RNF220: variants seen among roughly 807,000 people sequenced by gnomAD.
RNF220 encodes ring finger protein 220.
In RNF220, 7 loss-of-function variants were observed where a neutral mutation model predicts 67.1. The ratio of observed to expected loss-of-function variants is 0.10; its 90% CI spans 0.06 to 0.20. RNF220 has a LOEUF of 0.20. Ranked by LOEUF, RNF220 falls within the 10% of genes least tolerant of loss-of-function variation. The pLI is 1.00. For missense variants in RNF220, 565 were observed against 740.3 expected, an observed-to-expected ratio of 0.76 and a Z score of 2.75; for synonymous variants, 270 against 283.2, an observed-to-expected ratio of 0.95 and a Z score of 0.47.
chr1:44,631,887 G>A (rs1644138340), intron 5 of RNF220: 6 of 985,630 alleles, frequency 6.1e-6, no homozygotes, highest in Non-Finnish European at 7.2e-6. Context: ...ACAAACGGCA[G>A]CTTCCTGGTC....
At chr1:44,464,484 C>T (rs1225834600) in intron 2 of RNF220, among the ~76,000 whole-genome samples, 1 of 152,176 alleles carries the variant, frequency 6.6e-6, no homozygotes, top group East Asian at 1.9e-4. Context: ...TAAAGGAAGT[C>T]GATGGCCAAG....
Position 44,412,521 on chromosome 1 carries a change from C to T in RNF220, c.424C>T (p.Leu142Phe). 1 of 1,614,090 alleles carries T rather than the reference C, an allele frequency of 6.2e-7. No individual in the cohort carries two copies. Among genetic ancestry groups the T allele is most frequent in the Non-Finnish European group, 8.5e-7 (1 of 1,179,966 alleles). The change falls in exon 2 of 15, where the codon CTT becomes TTT. Residue 142 changes from leucine (L) to phenylalanine (F), a missense_variant. Leu to Phe is a conservative substitution (Grantham distance 22, BLOSUM62 0). Coordinates refer to ENST00000361799, the MANE Select transcript of RNF220 (RefSeq NM_018150.4). The surrounding 1 kb of genome is among the most constrained non-coding windows in gnomAD (Gnocchi z 5.3). ...YQSAFTPAKRLKNCHDTESPH... is the reference protein window; with the variant it reads ...YQSAFTPAKRFKNCHDTESPH... Reference sequence around the variant, plus strand: ...GTCAGCCTTTACGCCGGCCAAGCGACTTAAGAACTGCCATGACACAGAGTC... The same window carrying T: ...GTCAGCCTTTACGCCGGCCAAGCGATTTAAGAACTGCCATGACACAGAGTC...
chr1:44,491,279 C>CA (rs766116124), intron 2 of RNF220, among the ~76,000 whole-genome samples: 2 of 151,578 alleles, frequency 1.3e-5, no homozygotes, highest in African/African-American at 4.9e-5. Context: ...AAACATATCA[C>CA]AAAAAAATAA....
At chr1:44,482,324 G>T (rs1037649060) in intron 2 of RNF220, among the ~76,000 whole-genome samples, 5 of 152,142 alleles carry the variant, frequency 3.3e-5, no homozygotes, top group African/African-American at 9.7e-5. Flanking sequence ...GGATCCCTGG[G>T]GCTCCCTTCT....
chr1:44,587,831 AG>A (rs1665820279), intron 2 of RNF220, among the ~76,000 whole-genome samples: 1 of 152,272 alleles, frequency 6.6e-6, no homozygotes. Context: ...CCTTAGACAC[AG>A]TGCTTGCTCC....
chr1:44,529,936 C>G (rs1159354623), intron 2 of RNF220, among the ~76,000 whole-genome samples: 4 of 151,912 alleles, frequency 2.6e-5, no homozygotes, highest in Admixed American at 2.0e-4. Context: ...CGCCTCTACT[C>G]CCAGCTATTT....
intron 2 of RNF220, among the ~76,000 whole-genome samples, chr1:44,471,764 C>T (rs760983758): frequency 9.2e-5 from 14 of 152,048 alleles, no homozygotes; most frequent in Non-Finnish European, 1.9e-4. Flanking sequence ...GCAGAGGCTG[C>T]GGTGAGCCGA....
At chr1:44,424,479 T>C (rs1250892094) in intron 2 of RNF220, among the ~76,000 whole-genome samples, 1 of 152,036 alleles carries the variant, frequency 6.6e-6, no homozygotes, top group African/African-American at 2.4e-5. Context: ...GAATCACTCA[T>C]CTAGGGTGAA....
chr1:44,626,338 T>C lies in RNF220; in HGVS notation c.846T>C (p.Ser282=). ...CTTCCATCAAGAGGGAAGGAGAGTC[T>C]CCAACGGCATCACCCCACTCATCTG... The part of the protein sequence containing the change: ...LSASIKREGE[S]PTASPHSSAT... The change falls in exon 5 of 15, where the codon TCT becomes TCC. Residue 282 remains serine, a synonymous_variant. Transcript: ENST00000361799. The C allele has an allele frequency of 6.2e-7, 1 of 1,614,028 alleles. No homozygotes were observed. Among genetic ancestry groups the C allele is most frequent in the Non-Finnish European group, 8.5e-7 (1 of 1,179,974 alleles).
At chr1:44,567,732 C>T (rs1344491930) in intron 2 of RNF220, among the ~76,000 whole-genome samples, 2 of 152,116 alleles carry the variant, frequency 1.3e-5, no homozygotes, top group African/African-American at 4.8e-5. Flanking sequence ...CTCATTCATT[C>T]GCTTGCTCAC....
At chr1:44,591,373 G>A (rs181673744) in intron 2 of RNF220, among the ~76,000 whole-genome samples, 12 of 152,366 alleles carry the variant, frequency 7.9e-5, no homozygotes, top group Non-Finnish European at 7.3e-5. Context: ...TCGTCCATGC[G>A]CAATGCCCTT....
chr1:44,555,245 T>A (rs1340125215), intron 2 of RNF220, among the ~76,000 whole-genome samples: 1 of 152,078 alleles, frequency 6.6e-6, no homozygotes, highest in Non-Finnish European at 1.5e-5. Context: ...GTTTTTGACA[T>A]TTTGTAGAGA....
chr1:44,475,541 G>A (rs1655219759), intron 2 of RNF220, among the ~76,000 whole-genome samples: 1 of 134,828 alleles, frequency 7.4e-6, no homozygotes, highest in East Asian at 2.2e-4. Context: ...CTGCACTCCA[G>A]CCTGGCAACA....
At chr1:44,646,994 G>A (rs1461041056) in intron 12 of RNF220, among the ~76,000 whole-genome samples, 3 of 152,220 alleles carry the variant, frequency 2.0e-5, no homozygotes, top group Admixed American at 2.0e-4. Context: ...CTGGACCAGG[G>A]GTTGGAGGCT....
In RNF220 at chr1:44,412,040, G is replaced by A. The variant is rs1240253972; in HGVS notation, c.-58G>A. Reference sequence around the variant, plus strand: ...CTGCCCTGACCCAAAGTGCTGGTTGGCCTCCCTCCCAGGGAAGACTGCTTC... The same window carrying A: ...CTGCCCTGACCCAAAGTGCTGGTTGACCTCCCTCCCAGGGAAGACTGCTTC... On this transcript the variant is annotated 5_prime_UTR_variant, in exon 2 of 15. It introduces an in-frame stop codon into an upstream open reading frame of the 5' UTR. Coordinates refer to ENST00000361799, the MANE Select transcript of RNF220 (RefSeq NM_018150.4). This position sits in a 1 kb window ranked among gnomAD's most constrained non-coding sequence, Gnocchi z 5.3. 1.9e-6 allele frequency: 3 copies of A among 1,553,464 alleles called. No homozygotes were observed. In the African/African-American group the frequency reaches 4.1e-5, roughly 21 times the overall value.
At chr1:44,441,021 AG>A (rs1381888581) in intron 2 of RNF220, among the ~76,000 whole-genome samples, 4 of 152,188 alleles carry the variant, frequency 2.6e-5, no homozygotes, top group Non-Finnish European at 4.4e-5. Flanking sequence ...AAGCCTGTCA[AG>A]GGGGACCCCT....
intron 2 of RNF220, among the ~76,000 whole-genome samples, chr1:44,560,621 A>G (rs1329928583): frequency 6.6e-6 from 1 of 152,118 alleles, no homozygotes; most frequent in East Asian, 1.9e-4. Flanking sequence ...GAGTGCAATG[A>G]GGCGATCTCT....
chr1:44,454,700 A>G (rs778158291), intron 2 of RNF220, among the ~76,000 whole-genome samples: 96 of 151,730 alleles, frequency 6.3e-4, no homozygotes, highest in Admixed American at 2.8e-3. Context: ...ATTCATATAT[A>G]GTAAAAACCC....
At chr1:44,419,616 G>A (rs1648988923) in intron 2 of RNF220, 1 of 152,186 alleles carries the variant, frequency 6.6e-6, no homozygotes, top group Non-Finnish European at 1.5e-5. Flanking sequence ...TTATAATCTA[G>A]TTTTTACTTT....
Sources: allele counts gnomAD v4.1 joint callset (sites outside exome capture counted in the v4.1 genomes callset), GRCh38; gene constraint gnomAD v4.1.1; non-coding constraint Gnocchi (gnomAD v3.1); transcripts MANE v1.5; gene names NCBI Gene and HGNC (gene_info 2026-07-23, HGNC 2026-07-21).